The following PTPRN2 variants were observed in gnomAD, a reference collection of about 807,000 sequenced individuals.
The protein encoded by PTPRN2 is receptor-type tyrosine-protein phosphatase N2.
Under a neutral mutation model 118.8 loss-of-function variants are expected in PTPRN2, and 74 were observed. The ratio of observed to expected loss-of-function variants is 0.62; its 90% CI spans 0.52 to 0.76. PTPRN2 has a LOEUF of 0.76. PTPRN2 is among the 30% of genes least tolerant of loss of function. The pLI is 0.00. For missense variants in PTPRN2, 1,481 were observed against 1,394.4 expected (o/e 1.06, Z -0.99); for synonymous variants, 641 against 608.0 (o/e 1.05, Z -0.80).
chr7:158,477,029 A>G (rs1774609044), intron 2 of PTPRN2, among the ~76,000 whole-genome samples: 1 of 152,232 alleles, frequency 6.6e-6, no homozygotes, highest in Non-Finnish European at 1.5e-5. Context: ...TGAGCTTCAC[A>G]TAGTTCAATT....
intron 11 of PTPRN2, among the ~76,000 whole-genome samples, chr7:157,968,082 A>AGG (rs1802068374): frequency 6.6e-6 from 1 of 152,076 alleles, no homozygotes; most frequent in African/African-American, 2.4e-5. Flanking sequence ...CTAGTAAATT[A>AGG]CTACAGCGGA....
chr7:157,920,034 G>A (rs146976037), intron 11 of PTPRN2, among the ~76,000 whole-genome samples: 3 of 152,322 alleles, frequency 2.0e-5, no homozygotes, highest in African/African-American at 7.2e-5. Context: ...CAACCTGGGT[G>A]TGTAGGAGGC....
intron 3 of PTPRN2, among the ~76,000 whole-genome samples, chr7:158,230,444 C>T (rs1284424691): frequency 1.3e-5 from 2 of 152,124 alleles, no homozygotes; most frequent in South Asian, 4.2e-4. Context: ...ACAATAATAG[C>T]TGCAGCAACC....
At chr7:158,511,053 A>C (rs1343912245) in intron 1 of PTPRN2, among the ~76,000 whole-genome samples, 1 of 152,234 alleles carries the variant, frequency 6.6e-6, no homozygotes, top group East Asian at 1.9e-4. Context: ...GTTTTTCTCA[A>C]GTTAAAATAT....
intron 2 of PTPRN2, among the ~76,000 whole-genome samples, chr7:158,463,824 A>G (rs112040243): frequency 7.3e-6 from 1 of 136,982 alleles, no homozygotes; most frequent in South Asian, 2.5e-4. Context: ...CATCATCACC[A>G]TCATCATCCT....
intron 12 of PTPRN2, among the ~76,000 whole-genome samples, chr7:157,710,364 T>G (rs1798543440): frequency 6.6e-6 from 1 of 152,136 alleles, no homozygotes. Flanking sequence ...ATCTCAGCAC[T>G]TTGGGAGGCC....
At chr7:158,553,656 A>G (rs145635437) in intron 1 of PTPRN2, among the ~76,000 whole-genome samples, 2 of 151,972 alleles carry the variant, frequency 1.3e-5, no homozygotes, top group East Asian at 1.9e-4. Flanking sequence ...TTAGGAGTCT[A>G]TATCACCCTT....
intron 11 of PTPRN2, among the ~76,000 whole-genome samples, chr7:158,008,966 T>C (rs1181028144): frequency 1.3e-5 from 2 of 152,194 alleles, no homozygotes; most frequent in Non-Finnish European, 2.9e-5. Context: ...CCTTTCACCT[T>C]TGTTTCCAAG....
rs1344559842 is a variant in PTPRN2, at chr7:158,587,634, C to T, written c.36G>A (p.Leu12=). The part of the protein sequence containing the change: ...GPPLPLLLLL[L]LLLPPRVLPA... ...GCAGGACGCGTGGCGGCAGCAGCAGCAGTAGCAGCAGCAGCAGCGGGAGCG... is the reference window on the plus strand; with the variant it reads ...GCAGGACGCGTGGCGGCAGCAGCAGTAGTAGCAGCAGCAGCAGCGGGAGCG... The change falls in exon 1 of 23, where the codon CTG becomes CTA. Residue 12 remains leucine, a synonymous_variant. Transcript: ENST00000389418. The T allele has an allele frequency of 4.4e-6, 6 of 1,368,620 alleles. No homozygotes were observed. Among genetic ancestry groups the T allele is most frequent in the South Asian group, 3.4e-5 (2 of 58,984 alleles). The allele number at this position is 1,368,620 out of a possible 1,614,324, so 84.8% of individuals were successfully genotyped here.
chr7:158,538,764 C>T (rs1379303596), intron 1 of PTPRN2, among the ~76,000 whole-genome samples: 2 of 152,318 alleles, frequency 1.3e-5, no homozygotes, highest in African/African-American at 4.8e-5. Context: ...AACTCAGGTC[C>T]GTGAACACCT....
At chr7:158,247,769 A>G (rs1796355825) in intron 3 of PTPRN2, among the ~76,000 whole-genome samples, 1 of 152,256 alleles carries the variant, frequency 6.6e-6, no homozygotes, top group East Asian at 1.9e-4. Flanking sequence ...GGCATGCACC[A>G]CCATGCCTGG....
Position 157,595,402 on chromosome 7 carries a change from G to T in PTPRN2, c.2419-87C>A, listed in dbSNP as rs1801239895. ...AAGCCTGGAGGTTAGGAAGCCAGAA[G>T]GTTAGGAAACCCGGAGGTTAGGAAG... On this transcript the variant is annotated intron_variant, in intron 16 of 22. Transcript: ENST00000389418. 3 of 1,282,956 alleles carry T rather than the reference G, an allele frequency of 2.3e-6. No homozygotes were observed. The East Asian group carries it at 7.0e-5, about 30-fold the overall frequency. The allele number at this position is 1,282,956 out of a possible 1,614,324, so 79.5% of individuals were successfully genotyped here. A position where few individuals can be genotyped will look rare whatever the true frequency, so the allele number is the denominator to read the frequency against.
intron 12 of PTPRN2, among the ~76,000 whole-genome samples, chr7:157,839,335 T>A (rs1381846338): frequency 6.6e-6 from 1 of 152,216 alleles, no homozygotes; most frequent in Admixed American, 6.5e-5. Flanking sequence ...TGTGGCTGCA[T>A]GTGAGTGTAT....
At chr7:157,930,792 A>T (rs1287934415) in intron 11 of PTPRN2, among the ~76,000 whole-genome samples, 1 of 152,150 alleles carries the variant, frequency 6.6e-6, no homozygotes, top group Non-Finnish European at 1.5e-5. Flanking sequence ...GCTCACAGGC[A>T]CTGCTGCTTG....
At chr7:158,117,024 G>C (rs957861473) in intron 9 of PTPRN2, among the ~76,000 whole-genome samples, 4 of 150,142 alleles carry the variant, frequency 2.7e-5, no homozygotes, top group African/African-American at 1.0e-4. Flanking sequence ...CAAGAAACAA[G>C]AAACAAAGAA....
chr7:157,858,066 C>T lies in PTPRN2; in HGVS notation c.1788+40607G>A, dbSNP rs997702911. Among the ~76,000 whole-genome samples, 13 of 141,598 alleles carry T rather than the reference C, an allele frequency of 9.2e-5. No homozygotes were observed. In the South Asian group the frequency reaches 3.0e-3, roughly 33 times the overall value. The allele number at this position is 141,598 out of a possible 152,430, so 92.9% of individuals were successfully genotyped here. A position where few individuals can be genotyped will look rare whatever the true frequency, so the allele number is the denominator to read the frequency against. Reference sequence around the variant, plus strand: ...AGCCCCCCAGCTACCACCCACACTCCTGCAGGGAGAACCCCGTCACCACCC... The same window carrying T: ...AGCCCCCCAGCTACCACCCACACTCTTGCAGGGAGAACCCCGTCACCACCC... On this transcript the variant is annotated intron_variant, in intron 12 of 22. Transcript: ENST00000389418.
rs1217017251 is a variant in PTPRN2, at chr7:157,598,452, T to TATC, written c.2419-3140_2419-3138dup. 6.6e-6 allele frequency among the ~76,000 whole-genome samples: 1 copy of TATC among 150,436 alleles called. No individual in the cohort carries two copies. Among genetic ancestry groups the TATC allele is most frequent in the African/African-American group, 2.5e-5 (1 of 40,458 alleles). On this transcript the variant is annotated intron_variant, in intron 16 of 22. Transcript: ENST00000389418. The surrounding 1 kb of genome is among the most constrained non-coding windows in gnomAD (Gnocchi z 5.2). ...CGGCGTCTCCGGGCCTCAGTCTCCATATCTGTATGGTGGGTGAGCTCAGGG... is the reference window on the plus strand; with the variant it reads ...CGGCGTCTCCGGGCCTCAGTCTCCATATCATCTGTATGGTGGGTGAGCTCAGGG...
At chr7:157,755,758 G>A (rs887902898) in intron 12 of PTPRN2, among the ~76,000 whole-genome samples, 1 of 151,326 alleles carries the variant, frequency 6.6e-6, no homozygotes, top group Non-Finnish European at 1.5e-5. Context: ...GGGAAGGAGT[G>A]AAAAAAAACC....
chr7:157,606,504 G>A (rs868515910), intron 15 of PTPRN2, among the ~76,000 whole-genome samples: 4 of 152,234 alleles, frequency 2.6e-5, no homozygotes, highest in Admixed American at 6.5e-5. Flanking sequence ...CTCTGCTGCC[G>A]TTTGTCCCAG....
Sources: allele counts gnomAD v4.1 joint callset (sites outside exome capture counted in the v4.1 genomes callset), GRCh38; gene constraint gnomAD v4.1.1; non-coding constraint Gnocchi (gnomAD v3.1); transcripts MANE v1.5; gene names NCBI Gene and HGNC (gene_info 2026-07-23, HGNC 2026-07-21).